The following DPF3 variants were observed in gnomAD, a reference collection of about 807,000 sequenced individuals.
DPF3 encodes the protein zinc finger protein DPF3.
DPF3 carries 18 observed loss-of-function variants against 56.8 expected under a neutral mutation model. The observed-to-expected ratio is 0.32, with a 90% CI of 0.22 to 0.47. The LOEUF (loss-of-function observed/expected upper bound fraction) is 0.47. Among genes scored for constraint, DPF3 ranks in the 20% least tolerant of loss-of-function variants. The pLI is 1.00. For missense variants in DPF3, 403 were observed against 488.8 expected (o/e 0.82, Z 1.65); for synonymous variants, 188 against 180.2 (o/e 1.04, Z -0.35).
At chr14:72,891,975 C>T (rs1334893560) in intron 1 of DPF3, among the ~76,000 whole-genome samples, 3 of 152,188 alleles carry the variant, frequency 2.0e-5, no homozygotes, top group Non-Finnish European at 4.4e-5. Context: ...TCTGTCCCTT[C>T]CCCCACCCTT....
rs534653616 is a variant in DPF3 at position 72,671,196 on chromosome 14, G to T, written c.871+3044C>A. 8 of 1,614,008 alleles carry T rather than the reference G, an allele frequency of 5.0e-6. No homozygotes were observed. The Admixed American group carries it at 1.2e-4, about 24-fold the overall frequency. On this transcript the variant is annotated intron_variant, in intron 8 of 10. Coordinates refer to ENST00000556509, the MANE Select transcript of DPF3 (RefSeq NM_001280542.3). ...CCCGGCCACTGCGGCGTCCTCGACA[G>T]GAGCGAGGCTCTTCCAAATCGTCCT...
At chr14:72,697,539 G>A (rs1005610877) in intron 6 of DPF3, among the ~76,000 whole-genome samples, 1 of 152,226 alleles carries the variant, frequency 6.6e-6, no homozygotes, top group African/African-American at 2.4e-5. Context: ...CAAAGTTGAA[G>A]AGGTGGAGCG....
intron 4 of DPF3, among the ~76,000 whole-genome samples, chr14:72,729,797 C>T (rs1392924837): frequency 6.6e-6 from 1 of 152,090 alleles, no homozygotes; most frequent in African/African-American, 2.4e-5. Flanking sequence ...AGGTGGAGCT[C>T]AGAGGATTTT....
intron 8 of DPF3, among the ~76,000 whole-genome samples, chr14:72,655,009 C>T (rs944984750): frequency 6.6e-6 from 1 of 152,092 alleles, no homozygotes; most frequent in African/African-American, 2.4e-5. Flanking sequence ...TCTCTCTGTA[C>T]TCATCACTCA....
chr14:72,697,409 C>G (rs1887951024), intron 6 of DPF3, among the ~76,000 whole-genome samples: 1 of 152,092 alleles, frequency 6.6e-6, no homozygotes, highest in Admixed American at 6.5e-5. Context: ...AGGAAACTGG[C>G]TTGAGTGAGT....
intron 3 of DPF3, among the ~76,000 whole-genome samples, chr14:72,751,867 T>C (rs1426719994): frequency 6.6e-6 from 1 of 152,164 alleles, no homozygotes; most frequent in Middle Eastern, 3.2e-3. Flanking sequence ...TCCTACAACC[T>C]GCAACAAGGC....
chr14:72,619,307 C>T lies in DPF3; in HGVS notation c.1127G>A (p.Cys376Tyr). 1 of 1,536,104 alleles carries T rather than the reference C, an allele frequency of 6.5e-7. No individual in the cohort carries two copies. Among genetic ancestry groups the T allele is most frequent in the Non-Finnish European group, 8.7e-7 (1 of 1,146,876 alleles). ...LLKEKASAFG[C>Y]QA ...CTGTGACCTGGGGCCCTAGGCCTGG[C>T]AGCCAAAGGCTGAGGCTTTCTCTTT... is the stretch of plus-strand genomic sequence containing the variant. The change falls in exon 11 of 11, where the codon TGC becomes TAC. Residue 376 changes from cysteine (C) to tyrosine (Y), a missense_variant. Transcript: ENST00000556509.
At chr14:72,696,561 A>G (rs1021091589) in intron 6 of DPF3, among the ~76,000 whole-genome samples, 2 of 152,238 alleles carry the variant, frequency 1.3e-5, no homozygotes, top group African/African-American at 4.8e-5. Flanking sequence ...ATGAATACAG[A>G]ACCATTTTGT....
rs1164077920 is a variant in DPF3 at position 72,617,013 on chromosome 14, T to C, written c.*2284A>G. 6.6e-6 allele frequency among the ~76,000 whole-genome samples: 1 copy of C among 152,174 alleles called. No homozygotes were observed. Among genetic ancestry groups the C allele is most frequent in the South Asian group, 2.1e-4 (1 of 4,828 alleles). On this transcript the variant is annotated 3_prime_UTR_variant, in exon 11 of 11. Transcript: ENST00000556509. ...TGAGAGGGGAACTCCGGGGCCATCCTAACGTCACTCCAGAGCCCTGACCCT... is the reference window on the plus strand; with the variant it reads ...TGAGAGGGGAACTCCGGGGCCATCCCAACGTCACTCCAGAGCCCTGACCCT...
At chr14:72,852,248 G>A (rs1440121153) in intron 1 of DPF3, among the ~76,000 whole-genome samples, 2 of 152,100 alleles carry the variant, frequency 1.3e-5, no homozygotes, top group African/African-American at 2.4e-5. Context: ...TCCCCTAGGA[G>A]ACCACGGAGT....
At chr14:72,792,490 C>T (rs1000698900) in intron 1 of DPF3, among the ~76,000 whole-genome samples, 1 of 152,126 alleles carries the variant, frequency 6.6e-6, no homozygotes, top group African/African-American at 2.4e-5. Context: ...TTCTTGGAGG[C>T]AAACACACTC....
chr14:72,674,128 C>T lies in DPF3; in HGVS notation c.871+112G>A, dbSNP rs781162948. The T allele has an allele frequency of 4.6e-4, 649 of 1,404,052 alleles. 3 individuals are homozygous for T. Among genetic ancestry groups the T allele is most frequent in the Middle Eastern group, 7.5e-4 (3 of 4,012 alleles). The allele number at this position is 1,404,052 out of a possible 1,614,324, so 87.0% of individuals were successfully genotyped here. On this transcript the variant is annotated intron_variant, in intron 8 of 10. Coordinates refer to ENST00000556509, the MANE Select transcript of DPF3 (RefSeq NM_001280542.3). ...CTGAAAACTCCTCTCCACTCGAAAGCATTGCCACCATCGCTTCCCTCTCCA... is the reference window on the plus strand; with the variant it reads ...CTGAAAACTCCTCTCCACTCGAAAGTATTGCCACCATCGCTTCCCTCTCCA...
intron 9 of DPF3, among the ~76,000 whole-genome samples, chr14:72,624,333 C>CTTTTTTTTTTTTTTTTTT (rs55820708): frequency 3.1e-5 from 3 of 97,796 alleles, no homozygotes; most frequent in African/African-American, 1.2e-4. Flanking sequence ...ACCTATGTCT[C>CTTTTTTTTTTTTTTTTTT]TTTTTTTTTT....
intron 7 of DPF3, among the ~76,000 whole-genome samples, chr14:72,679,984 A>G (rs1343896763): frequency 6.6e-6 from 1 of 152,174 alleles, no homozygotes; most frequent in Non-Finnish European, 1.5e-5. Context: ...CCACTGCCAC[A>G]GCCTGCTACC....
intron 7 of DPF3, among the ~76,000 whole-genome samples, chr14:72,692,167 C>T (rs72728583): frequency 3.7e-4 from 57 of 152,332 alleles, no homozygotes; most frequent in Non-Finnish European, 7.6e-4. Flanking sequence ...AACGTCTGAT[C>T]CCTTTCACTG....
intron 2 of DPF3, among the ~76,000 whole-genome samples, chr14:72,764,590 G>A (rs1003469092): frequency 1.5e-5 from 2 of 130,062 alleles, no homozygotes; most frequent in South Asian, 2.7e-4. Context: ...CCGGGTTCAC[G>A]CCATTCTCCT....
chr14:72,678,276 T>C (rs1435286941), intron 7 of DPF3, among the ~76,000 whole-genome samples: 2 of 152,210 alleles, frequency 1.3e-5, no homozygotes, highest in Non-Finnish European at 2.9e-5. Context: ...AGCCATACCT[T>C]GCATATAAAA....
chr14:72,859,704 A>G (rs1885320870), intron 1 of DPF3, among the ~76,000 whole-genome samples: 1 of 152,022 alleles, frequency 6.6e-6, no homozygotes, highest in African/African-American at 2.4e-5. Context: ...TCCCCCAGCA[A>G]ATACGGAGCC....
chr14:72,838,168 C>G (rs1884374858), intron 1 of DPF3, among the ~76,000 whole-genome samples: 1 of 152,196 alleles, frequency 6.6e-6, no homozygotes, highest in South Asian at 2.1e-4. Flanking sequence ...CAAAATGGGC[C>G]TGCTCCTGGA....
Sources: allele counts gnomAD v4.1 joint callset (sites outside exome capture counted in the v4.1 genomes callset), GRCh38; gene constraint gnomAD v4.1.1; transcripts MANE v1.5; gene names NCBI Gene and HGNC (gene_info 2026-07-23, HGNC 2026-07-21).